RBFOX1: variants seen among roughly 807,000 people sequenced by gnomAD.
The protein encoded by RBFOX1 is RNA binding fox-1 homolog 1, also known as RNA binding protein fox-1 homolog 1.
RBFOX1 carries 8 observed loss-of-function variants against 57.7 expected under a neutral mutation model. The observed-to-expected ratio is 0.14, with a 90% CI of 0.08 to 0.25. RBFOX1 has a LOEUF of 0.25. Ranked by LOEUF, RBFOX1 falls within the 10% of genes least tolerant of loss-of-function variation. The pLI is 1.00. For missense variants in RBFOX1, 611 were observed against 548.5 expected (o/e 1.11, Z -1.14); for synonymous variants, 326 against 222.4 (o/e 1.47, Z -4.15).
intron 4 of RBFOX1, among the ~76,000 whole-genome samples, chr16:7,223,848 C>G (rs2092914051): frequency 6.6e-6 from 1 of 150,950 alleles, no homozygotes; most frequent in Non-Finnish European, 1.5e-5. Flanking sequence ...GTAGAAATAG[C>G]CATTTATTAA....
intron 4 of RBFOX1, among the ~76,000 whole-genome samples, chr16:7,294,960 G>A (rs2095862058): frequency 6.6e-6 from 1 of 152,194 alleles, no homozygotes; most frequent in Admixed American, 6.5e-5. Flanking sequence ...TTCTTCTTAT[G>A]TAAATTGGAA....
intron 7 of RBFOX1, among the ~76,000 whole-genome samples, chr16:7,590,616 T>G (rs2094392153): frequency 6.6e-6 from 1 of 152,030 alleles, no homozygotes; most frequent in Non-Finnish European, 1.5e-5. Context: ...TCCCAGCACT[T>G]TGGGAGGCCG....
intron 4 of RBFOX1, among the ~76,000 whole-genome samples, chr16:7,244,941 G>T (rs2094227925): frequency 6.6e-6 from 1 of 152,198 alleles, no homozygotes; most frequent in South Asian, 2.1e-4. Flanking sequence ...CAGAGGCACA[G>T]TAGGGAGCAG....
chr16:7,374,903 C>G (rs924529143), intron 4 of RBFOX1, among the ~76,000 whole-genome samples: 1 of 152,106 alleles, frequency 6.6e-6, no homozygotes, highest in Admixed American at 6.5e-5. Flanking sequence ...CATGACCTGC[C>G]AGCACTAGTA....
At chr16:6,485,164 G>C (rs1039401113) in intron 2 of RBFOX1, among the ~76,000 whole-genome samples, 2 of 152,188 alleles carry the variant, frequency 1.3e-5, no homozygotes, top group African/African-American at 2.4e-5. Context: ...TTGCCACTCA[G>C]GCTCACAGGA....
chr16:5,808,575 T>G (rs1219478919), intron 3 of RBFOX1, among the ~76,000 whole-genome samples: 1 of 152,238 alleles, frequency 6.6e-6, no homozygotes, highest in Non-Finnish European at 1.5e-5. Flanking sequence ...TCCATTTGTT[T>G]GTATCCTCTT....
At chr16:6,818,918 C>G in intron 3 of RBFOX1, among the ~76,000 whole-genome samples, 1 of 152,190 alleles carries the variant, frequency 6.6e-6, no homozygotes. Context: ...TCTGGGCATG[C>G]TGAACTGATA....
intron 4 of RBFOX1, chr16:5,867,458 G>A: frequency 1.4e-6 from 1 of 696,240 alleles, no homozygotes. Context: ...GGCTTGGATG[G>A]TGTGTTTTCA....
At chr16:6,918,388 G>T (rs534391554) in intron 3 of RBFOX1, among the ~76,000 whole-genome samples, 2 of 152,008 alleles carry the variant, frequency 1.3e-5, no homozygotes, top group Admixed American at 6.6e-5. Flanking sequence ...CAAGCTACCC[G>T]GGTGATTCTG....
chr16:6,560,884 T>G (rs2097171052), intron 2 of RBFOX1, among the ~76,000 whole-genome samples: 1 of 152,152 alleles, frequency 6.6e-6, no homozygotes. Context: ...AAATATTTAA[T>G]GTGAAAGGAT....
At chr16:5,584,973 C>T (rs1334376245) in intron 2 of RBFOX1, among the ~76,000 whole-genome samples, 3 of 149,722 alleles carry the variant, frequency 2.0e-5, no homozygotes, top group African/African-American at 7.6e-5. Context: ...TCTGGGTCTG[C>T]TGGGAATTTT....
chr16:6,729,344 G>A (rs1263606501), intron 3 of RBFOX1, among the ~76,000 whole-genome samples: 1 of 152,068 alleles, frequency 6.6e-6, no homozygotes, highest in Non-Finnish European at 1.5e-5. Context: ...GAGAATCAAG[G>A]TAAATCTAAT....
intron 4 of RBFOX1, among the ~76,000 whole-genome samples, chr16:7,266,635 G>C (rs756487895): frequency 1.3e-5 from 2 of 152,206 alleles, no homozygotes; most frequent in East Asian, 1.9e-4. Flanking sequence ...TGAATTTGGA[G>C]GGCACACTTC....
intron 3 of RBFOX1, among the ~76,000 whole-genome samples, chr16:6,656,584 A>C (rs1474050331): frequency 7.0e-6 from 1 of 142,506 alleles, no homozygotes; most frequent in East Asian, 2.0e-4. Context: ...GCTCTTCTCA[A>C]GAAAGGGGAA....
chr16:7,576,707 A>T (rs1009149070), intron 5 of RBFOX1, among the ~76,000 whole-genome samples: 1 of 152,242 alleles, frequency 6.6e-6, no homozygotes, highest in Non-Finnish European at 1.5e-5. Flanking sequence ...GCTATTAATC[A>T]TTTAATATGT....
intron 4 of RBFOX1, among the ~76,000 whole-genome samples, chr16:7,230,692 C>G (rs1408921838): frequency 6.6e-6 from 1 of 152,148 alleles, no homozygotes; most frequent in Admixed American, 6.5e-5. Context: ...AAGGGGAGAG[C>G]CACTTGGAGT....
In RBFOX1 at chr16:5,362,064, A is replaced by G. The variant is rs180979440; in HGVS notation, c.220-105152A>G. Among the ~76,000 whole-genome samples, 31 of 152,370 alleles carry G rather than the reference A, an allele frequency of 2.0e-4. 2 individuals carry two copies. The East Asian group carries it at 6.0e-3, about 29-fold the overall frequency. On this transcript the variant is annotated intron_variant, in intron 1 of 2. Coordinates refer to the RBFOX1 transcript ENST00000585867. ...ATGTTTTTATTTAAATTGTAGTAAG[A>G]ACATTTAACTTAATATTGAACATGA...
intron 3 of RBFOX1, among the ~76,000 whole-genome samples, chr16:6,723,306 G>A (rs930442357): frequency 6.6e-6 from 1 of 152,156 alleles, no homozygotes; most frequent in African/African-American, 2.4e-5. Context: ...GGCACCTACT[G>A]TATCAGAGTG....
intron 4 of RBFOX1, among the ~76,000 whole-genome samples, chr16:7,217,586 T>C (rs2092310658): frequency 6.6e-6 from 1 of 151,942 alleles, no homozygotes; most frequent in Admixed American, 6.6e-5. Flanking sequence ...TGACAAAGGG[T>C]CATGAGAGGC....
Sources: allele counts gnomAD v4.1 joint callset (sites outside exome capture counted in the v4.1 genomes callset), GRCh38; gene constraint gnomAD v4.1.1; transcripts MANE v1.5; gene names NCBI Gene and HGNC (gene_info 2026-07-23, HGNC 2026-07-21).